ASIC2: variants seen among roughly 807,000 people sequenced by gnomAD.
The protein encoded by ASIC2 is acid-sensing ion channel 2.
ASIC2 carries 25 observed loss-of-function variants against 57.3 expected under a neutral mutation model. The observed-to-expected ratio is 0.44, with a 90% confidence interval of 0.32 to 0.61. The LOEUF is 0.61. ASIC2 is among the 20% of genes least tolerant of loss of function. The probability of loss-of-function intolerance (pLI) is 0.06; values close to 1 mark genes in which losing one functional copy is unlikely to be tolerated. For synonymous variants in ASIC2, 319 were observed against 307.5 expected, an observed-to-expected ratio of 1.04 and a Z score of -0.39; for missense variants, 641 against 738.1, an observed-to-expected ratio of 0.87 and a Z score of 1.52.
chr17:33,849,419 A>C (rs1234094544), intron 1 of ASIC2, among the ~76,000 whole-genome samples: 1 of 152,178 alleles, frequency 6.6e-6, no homozygotes, highest in Admixed American at 6.5e-5. Flanking sequence ...CTGAGGAATG[A>C]GGGGTGCTGT....
chr17:34,103,346 G>T (rs901196746), intron 1 of ASIC2, among the ~76,000 whole-genome samples: 1 of 151,884 alleles, frequency 6.6e-6, no homozygotes, highest in African/African-American at 2.4e-5. Context: ...CAGAGATGGG[G>T]TCTCATTATG....
chr17:34,010,446 G>A (rs1216355830), intron 1 of ASIC2, among the ~76,000 whole-genome samples: 1 of 152,184 alleles, frequency 6.6e-6, no homozygotes, highest in African/African-American at 2.4e-5. Flanking sequence ...AGACCAAAGT[G>A]CAGCTGATTC....
At chr17:33,556,886 G>T (rs1449806167) in intron 1 of ASIC2, among the ~76,000 whole-genome samples, 1 of 152,158 alleles carries the variant, frequency 6.6e-6, no homozygotes, top group African/African-American at 2.4e-5. Flanking sequence ...AGCAAATTCT[G>T]CTAGCAGTAG....
chr17:33,031,277 C>A (rs577421983), intron 3 of ASIC2, among the ~76,000 whole-genome samples: 15 of 152,198 alleles, frequency 9.9e-5, no homozygotes, highest in Admixed American at 9.2e-4. Flanking sequence ...TTGTTCATTT[C>A]ATCTAGATTT....
chr17:33,970,559 C>A (rs889076252), intron 1 of ASIC2, among the ~76,000 whole-genome samples: 2 of 152,198 alleles, frequency 1.3e-5, no homozygotes, highest in Non-Finnish European at 2.9e-5. Context: ...GGAAGTTAGG[C>A]AGCTTTGGCT....
intron 1 of ASIC2, among the ~76,000 whole-genome samples, chr17:33,393,872 T>C (rs1372008768): frequency 6.6e-6 from 1 of 152,228 alleles, no homozygotes; most frequent in Non-Finnish European, 1.5e-5. Flanking sequence ...AAGCATGGAA[T>C]GAAGGGTCTG....
At chr17:33,433,914 C>A (rs536346967) in intron 1 of ASIC2, among the ~76,000 whole-genome samples, 177 of 143,704 alleles carry the variant, frequency 1.2e-3, no homozygotes, top group African/African-American at 4.4e-3. Context: ...AAAGTATATG[C>A]AGATTTCCAC....
intron 1 of ASIC2, chr17:33,936,497 A>T (rs1916065842): frequency 6.6e-6 from 1 of 152,228 alleles, no homozygotes; most frequent in Non-Finnish European, 1.5e-5. Context: ...AAAGCTTGGG[A>T]GGTCCATGGT....
At chr17:33,534,710 G>A (rs978294630) in intron 1 of ASIC2, 2 of 152,206 alleles carry the variant, frequency 1.3e-5, no homozygotes, top group Admixed American at 6.5e-5. Flanking sequence ...GTTGCTGTTA[G>A]ATCTTAGACT....
intron 1 of ASIC2, among the ~76,000 whole-genome samples, chr17:33,128,817 C>T (rs575102472): frequency 5.6e-4 from 86 of 152,334 alleles, no homozygotes; most frequent in African/African-American, 2.0e-3. Context: ...CTTAGTTTTT[C>T]AAAGGTGGCC....
chr17:33,204,941 A>G (rs1287502468), intron 1 of ASIC2, among the ~76,000 whole-genome samples: 4 of 152,254 alleles, frequency 2.6e-5, no homozygotes, highest in Non-Finnish European at 5.9e-5. Context: ...GGGTTGAGCC[A>G]TGCCTGAAGT....
chr17:33,035,079 A>T (rs1188856751), intron 3 of ASIC2, among the ~76,000 whole-genome samples: 2 of 152,004 alleles, frequency 1.3e-5, no homozygotes, highest in Admixed American at 1.3e-4. Context: ...TTTGGCATTC[A>T]TTTATTATTT....
intron 1 of ASIC2, among the ~76,000 whole-genome samples, chr17:33,219,629 T>TTAA (rs1907621738): frequency 1.3e-5 from 2 of 152,188 alleles, no homozygotes; most frequent in African/African-American, 4.8e-5. Flanking sequence ...TTTCCCAAAC[T>TTAA]GTGTCCTGCG....
chr17:33,017,739 G>T lies in ASIC2; in HGVS notation c.1442-55C>A, dbSNP rs796467003. 118 of 1,530,816 alleles carry T rather than the reference G, an allele frequency of 7.7e-5. No homozygotes were observed. In the African/African-American group the frequency reaches 1.6e-3, roughly 21 times the overall value. The allele number at this position is 1,530,816 out of a possible 1,614,324, so 94.8% of individuals were successfully genotyped here. A position where few individuals can be genotyped will look rare whatever the true frequency, so the allele number is the denominator to read the frequency against. ...TGCTTTTATGCAGCTTCCAGGAAGG[G>T]TGAACAGACTGAGATGCAACCCAGA... On this transcript the variant is annotated intron_variant, in intron 7 of 9. Coordinates refer to ENST00000225823, the MANE Select transcript of ASIC2 (RefSeq NM_183377.2).
At chr17:33,887,813 A>C (rs1914863981) in intron 1 of ASIC2, among the ~76,000 whole-genome samples, 1 of 152,182 alleles carries the variant, frequency 6.6e-6, no homozygotes, top group South Asian at 2.1e-4. Flanking sequence ...TGTAGCCTTT[A>C]AAAGAACATT....
intron 1 of ASIC2, among the ~76,000 whole-genome samples, chr17:33,646,537 A>G (rs1906746173): frequency 1.3e-5 from 2 of 152,178 alleles, no homozygotes; most frequent in Non-Finnish European, 2.9e-5. Flanking sequence ...GAGGGAGAAG[A>G]GAGACTTAGA....
chr17:33,651,725 G>T (rs937865043), intron 1 of ASIC2, among the ~76,000 whole-genome samples: 1 of 152,236 alleles, frequency 6.6e-6, no homozygotes, highest in East Asian at 1.9e-4. Context: ...GTGGAGAGAG[G>T]TGGGCAGTAA....
intron 1 of ASIC2, among the ~76,000 whole-genome samples, chr17:34,150,930 T>G (rs1284272901): frequency 1.3e-5 from 2 of 152,026 alleles, no homozygotes; most frequent in Non-Finnish European, 2.9e-5. Context: ...CTGGCCAATC[T>G]GGTGAGACCC....
At chr17:33,321,102 T>C (rs1014893929) in intron 1 of ASIC2, among the ~76,000 whole-genome samples, 3 of 152,222 alleles carry the variant, frequency 2.0e-5, no homozygotes, top group Non-Finnish European at 2.9e-5. Context: ...GGGAGCAGAA[T>C]GGTTATGTCA....
Sources: gnomAD v4.1 joint callset for allele counts (sites outside exome capture counted in the v4.1 genomes callset) on GRCh38, gnomAD v4.1.1 for gene constraint, MANE v1.5 for transcripts, NCBI Gene and HGNC (gene_info 2026-07-23, HGNC 2026-07-21) for gene names.